The following ODF2 variants were observed in gnomAD, a reference collection of about 807,000 sequenced individuals.
The protein encoded by ODF2 is outer dense fiber of sperm tails 2.
ODF2 carries 47 observed loss-of-function variants against 110.2 expected under a neutral mutation model. That is an observed-to-expected ratio of 0.43 (90% CI 0.34 to 0.54). The LOEUF is 0.54. ODF2 is among the 20% of genes least tolerant of loss of function. The probability of loss-of-function intolerance (pLI) is 0.03; values close to 1 mark genes in which losing one functional copy is unlikely to be tolerated. For missense variants in ODF2, 812 were observed against 1,054.5 expected (o/e 0.77, Z 3.19); for synonymous variants, 352 against 397.7 (o/e 0.89, Z 1.37).
chr9:128,457,098 C>T, intron 1 of ODF2: 3 of 1,374,196 alleles, frequency 2.2e-6, no homozygotes, highest in South Asian at 2.6e-5. Flanking sequence ...GGGACCCGGG[C>T]GCGGTGGTCC....
At chr9:128,499,797 A>G (rs1846256483) in intron 20 of ODF2, among the ~76,000 whole-genome samples, 1 of 152,070 alleles carries the variant, frequency 6.6e-6, no homozygotes, top group African/African-American at 2.4e-5. Flanking sequence ...TTTTGTAGAG[A>G]TAGAGTCTCA....
At chr9:128,499,147 G>A (rs372091162) in intron 20 of ODF2, 21 bp downstream of exon 20, 89 of 1,613,666 alleles carry the variant, frequency 5.5e-5, no homozygotes, top group Middle Eastern at 3.3e-4. Flanking sequence ...CTGGTGGGCC[G>A]GGCTAGGAGA....
chr9:128,496,239 C>T (rs750738518), intron 18 of ODF2, 98 bp downstream of exon 18: 118 of 1,570,338 alleles, frequency 7.5e-5, no homozygotes, highest in Non-Finnish European at 8.9e-5. Flanking sequence ...TGTTGAGGGA[C>T]TCGAGGCCCT....
At chr9:128,483,512 G>C (rs1842806158) in intron 10 of ODF2, among the ~76,000 whole-genome samples, 1 of 151,496 alleles carries the variant, frequency 6.6e-6, no homozygotes. Context: ...GAGCCTGGGA[G>C]ACTGAGGCTG....
intron 14 of ODF2, among the ~76,000 whole-genome samples, chr9:128,489,271 T>A (rs562020003): frequency 6.6e-6 from 1 of 152,220 alleles, no homozygotes; most frequent in Non-Finnish European, 1.5e-5. Context: ...TTTCACTGAT[T>A]TTGTTTTTTC....
chr9:128,491,525 G>A (rs955538007), intron 14 of ODF2, among the ~76,000 whole-genome samples: 1 of 151,786 alleles, frequency 6.6e-6, no homozygotes, highest in Admixed American at 6.6e-5. Context: ...CGGAGTGGGG[G>A]TGGTGGTGTG....
intron 7 of ODF2, chr9:128,473,312 G>A (rs1840484787): frequency 1.1e-6 from 1 of 933,740 alleles, no homozygotes; most frequent in Non-Finnish European, 1.3e-6. Flanking sequence ...ATTCCTGCAA[G>A]TATCAGCCAC....
intron 14 of ODF2, among the ~76,000 whole-genome samples, chr9:128,488,345 A>G (rs1010230315): frequency 7.2e-5 from 11 of 152,108 alleles, no homozygotes; most frequent in African/African-American, 2.7e-4. Context: ...GAATCGCTTG[A>G]GCCTGGGAGG....
chr9:128,456,593 T>C (rs1282106739), intron 1 of ODF2: 5 of 1,521,272 alleles, frequency 3.3e-6, no homozygotes, highest in Admixed American at 4.0e-5. Flanking sequence ...GGCCGTCCCT[T>C]CTCTCCGCCG....
rs1564533088 is a variant in ODF2, at chr9:128,497,449, ATATATATATATATATAT to A, written c.2013-963_2013-947del. The stretch of plus-strand genomic sequence containing the variant: ...AAAAAAAAAAAAAAAAAAAAAAAAT[ATATATATATATATATAT>A]ATATATATATATATATATATGTATA... On this transcript the variant is annotated intron_variant, in intron 18 of 20. Coordinates refer to ENST00000604420, the Ensembl canonical transcript of ODF2. 23 of 52,136 alleles carry A rather than the reference ATATATATATATATATAT, an allele frequency of 4.4e-4. 1 individual carries two copies. Among genetic ancestry groups the A allele is most frequent in the East Asian group, 2.2e-3 (3 of 1,392 alleles). 3.2% of individuals were successfully genotyped at this position (52,136 alleles called of 1,614,324 possible).
intron 17 of ODF2, among the ~76,000 whole-genome samples, chr9:128,495,471 A>C (rs1845419646): frequency 6.6e-6 from 1 of 152,238 alleles, no homozygotes. Context: ...CATTCTCAGT[A>C]CTGTAACCTT....
rs145912739 is a variant in ODF2, at chr9:128,471,409, C to T, written c.522C>T (p.His174=). The stretch of plus-strand genomic sequence containing the variant: ...CCCACGAACTGGCTGAGACTGAGCA[C>T]GAGAACACGGTGTTGAGGCACAACA... The change falls in exon 6 of 21, where the codon CAC becomes CAT. Residue 174 remains histidine, a synonymous_variant. Transcript: ENST00000604420. 2.2e-4 allele frequency: 354 copies of T among 1,613,120 alleles called. No homozygotes were observed. In the African/African-American group the frequency reaches 3.8e-3, roughly 17 times the overall value.
chr9:128,468,254 CTT>C (rs988451341), intron 4 of ODF2, among the ~76,000 whole-genome samples: 15 of 152,106 alleles, frequency 9.9e-5, no homozygotes, highest in Non-Finnish European at 1.9e-4. Context: ...ATTTAAAAGA[CTT>C]TTGACATATT....
At chr9:128,474,964 G>GAA (rs200808818) in intron 8 of ODF2, among the ~76,000 whole-genome samples, 2 of 141,980 alleles carry the variant, frequency 1.4e-5, no homozygotes, top group African/African-American at 2.6e-5. Flanking sequence ...GACTTTGTCT[G>GAA]AAAAAAAAAA....
At chr9:128,469,396 G>A (rs1398579495) in intron 5 of ODF2, 43 bp downstream of exon 5, 2 of 1,599,292 alleles carry the variant, frequency 1.3e-6, no homozygotes, top group Non-Finnish European at 1.7e-6. Context: ...CCCTGAGGAT[G>A]TGCAGGAGCA....
intron 7 of ODF2, 63 bp downstream of exon 7, chr9:128,473,105 T>C: frequency 6.2e-7 from 1 of 1,608,366 alleles, no homozygotes; most frequent in South Asian, 1.1e-5. Flanking sequence ...AGCTGCAGGC[T>C]GGGCAGGGTC....
intron 5 of ODF2, among the ~76,000 whole-genome samples, chr9:128,470,869 A>T (rs1431711919): frequency 6.6e-6 from 1 of 151,692 alleles, no homozygotes; most frequent in Non-Finnish European, 1.5e-5. Context: ...CCTGGCATGC[A>T]GCCTGTGTAG....
chr9:128,466,663 A>ATATG (rs1837999713), intron 4 of ODF2, among the ~76,000 whole-genome samples: 3 of 149,452 alleles, frequency 2.0e-5, no homozygotes, highest in Admixed American at 6.8e-5. Flanking sequence ...ATATATATAT[A>ATATG]TATTTGTCAT....
intron 2 of ODF2, among the ~76,000 whole-genome samples, chr9:128,457,833 CT>C (rs1835310634): frequency 2.0e-5 from 3 of 151,776 alleles, no homozygotes; most frequent in Admixed American, 2.0e-4. Context: ...TTTCCCAAAG[CT>C]ATTGGCTTTA....
Sources: gnomAD v4.1 joint callset for allele counts (sites outside exome capture counted in the v4.1 genomes callset) on GRCh38, gnomAD v4.1.1 for gene constraint, MANE v1.5 for transcripts, NCBI Gene and HGNC (gene_info 2026-07-23, HGNC 2026-07-21) for gene names.